SOX6: variants seen among roughly 807,000 people sequenced by gnomAD.
The protein encoded by SOX6 is transcription factor SOX-6.
Under a neutral mutation model 97.8 loss-of-function variants are expected in SOX6, and 11 were observed. The observed-to-expected ratio is 0.11, with a 90% CI of 0.07 to 0.19. The LOEUF (loss-of-function observed/expected upper bound fraction) is 0.19, where lower values mean the gene tolerates loss of function less well. SOX6 is among the 10% of genes least tolerant of loss of function. The probability of loss-of-function intolerance (pLI) is 1.00; values close to 1 mark genes in which losing one functional copy is unlikely to be tolerated. For synonymous variants in SOX6, 360 were observed against 371.4 expected (o/e 0.97, Z 0.35); for missense variants, 810 against 1,039.5 (o/e 0.78, Z 3.04).
intron 13 of SOX6, among the ~76,000 whole-genome samples, chr11:15,996,151 T>C (rs562487524): frequency 6.6e-6 from 1 of 152,284 alleles, no homozygotes; most frequent in African/African-American, 2.4e-5. Flanking sequence ...CATCGTATTG[T>C]GGGACTTATA....
At chr11:15,974,393 T>TA (rs1324253339) in intron 15 of SOX6, among the ~76,000 whole-genome samples, 1 of 145,928 alleles carries the variant, frequency 6.9e-6, no homozygotes, top group African/African-American at 2.5e-5. Context: ...TTTTTTTTTT[T>TA]TTTTTTTTTA....
chr11:16,394,895 G>A (rs901405151), intron 1 of SOX6, among the ~76,000 whole-genome samples: 49 of 151,742 alleles, frequency 3.2e-4, no homozygotes, highest in Non-Finnish European at 3.2e-4. Context: ...AGGACACAAA[G>A]TGACAGACTA....
intron 3 of SOX6, among the ~76,000 whole-genome samples, chr11:16,654,612 G>A (rs965678090): frequency 2.0e-5 from 3 of 152,020 alleles, no homozygotes; most frequent in African/African-American, 7.2e-5. Flanking sequence ...TTGACTGATG[G>A]CATAAAACTA....
At chr11:16,015,556 CTATTT>C (rs1248728703) in intron 12 of SOX6, among the ~76,000 whole-genome samples, 1 of 152,000 alleles carries the variant, frequency 6.6e-6, no homozygotes, top group African/African-American at 2.4e-5. Context: ...ATTGATACTA[CTATTT>C]TGTCTCAGAA....
intron 4 of SOX6, among the ~76,000 whole-genome samples, chr11:16,194,272 A>G (rs1851712648): frequency 6.6e-6 from 1 of 152,180 alleles, no homozygotes; most frequent in Non-Finnish European, 1.5e-5. Context: ...GACCTCTATT[A>G]TCTTATCAGT....
intron 9 of SOX6, among the ~76,000 whole-genome samples, chr11:16,089,640 C>T (rs977109030): frequency 6.6e-6 from 1 of 152,036 alleles, no homozygotes; most frequent in Non-Finnish European, 1.5e-5. Context: ...CATATGAACT[C>T]TTCTACAAAT....
At chr11:16,644,831 T>G (rs1160411747) in intron 3 of SOX6, among the ~76,000 whole-genome samples, 1 of 152,190 alleles carries the variant, frequency 6.6e-6, no homozygotes, top group Non-Finnish European at 1.5e-5. Context: ...ATTCACTTGG[T>G]CTATCAGCCC....
intron 3 of SOX6, among the ~76,000 whole-genome samples, chr11:16,277,489 A>G (rs997036420): frequency 1.1e-4 from 16 of 152,220 alleles, no homozygotes; most frequent in African/African-American, 3.9e-4. Flanking sequence ...GTATTTTGTT[A>G]TGGAATCCAA....
At chr11:16,132,381 AGAAAGAAAGAAAGAAAGAAAAAAG>A (rs1849797885) in intron 6 of SOX6, among the ~76,000 whole-genome samples, 7 of 97,812 alleles carry the variant, frequency 7.2e-5, no homozygotes, top group African/African-American at 2.2e-4. Flanking sequence ...AAAGAAAGAA[AGAAAGAAAGAAAGAAAGAAAAAAG>A]AAAGAAAGAA....
At chr11:16,128,003 C>A (rs1172161111) in intron 6 of SOX6, among the ~76,000 whole-genome samples, 1 of 152,140 alleles carries the variant, frequency 6.6e-6, no homozygotes, top group Non-Finnish European at 1.5e-5. Flanking sequence ...GAACTCAAAT[C>A]ATGTATTATG....
intron 4 of SOX6, among the ~76,000 whole-genome samples, chr11:16,586,216 A>T (rs1018003950): frequency 2.0e-5 from 3 of 152,168 alleles, no homozygotes; most frequent in Non-Finnish European, 4.4e-5. Flanking sequence ...TAAAATACCA[A>T]ATGAGAGATA....
intron 13 of SOX6, among the ~76,000 whole-genome samples, chr11:16,011,213 T>C (rs1854715211): frequency 6.6e-6 from 1 of 152,080 alleles, no homozygotes; most frequent in Non-Finnish European, 1.5e-5. Context: ...TATTCTTAAT[T>C]ATATGGTGAC....
intron 6 of SOX6, among the ~76,000 whole-genome samples, chr11:16,136,204 G>C (rs1849956008): frequency 6.6e-6 from 1 of 151,892 alleles, no homozygotes; most frequent in African/African-American, 2.4e-5. Flanking sequence ...TATTTTAGTA[G>C]AGACGGGGTT....
intron 6 of SOX6, among the ~76,000 whole-genome samples, chr11:16,171,386 A>G (rs1303183001): frequency 6.6e-6 from 1 of 152,066 alleles, no homozygotes; most frequent in African/African-American, 2.4e-5. Context: ...ATTCATATCT[A>G]GTTAGATATT....
chr11:16,507,223 C>T (rs1355032951), intron 4 of SOX6, among the ~76,000 whole-genome samples: 2 of 152,082 alleles, frequency 1.3e-5, no homozygotes, highest in Non-Finnish European at 2.9e-5. Context: ...GAAGCAGAAG[C>T]CTGTATAGCC....
chr11:16,674,263 A>G (rs2134026074), intron 3 of SOX6, among the ~76,000 whole-genome samples: 1 of 151,876 alleles, frequency 6.6e-6, no homozygotes, highest in Non-Finnish European at 1.5e-5. Flanking sequence ...ATCTCTCAAC[A>G]TACTCAAATC....
At chr11:16,406,313 CA>C (rs1318221933) in intron 1 of SOX6, among the ~76,000 whole-genome samples, 1 of 152,072 alleles carries the variant, frequency 6.6e-6, no homozygotes, top group African/African-American at 2.4e-5. Context: ...TATACAGCCA[CA>C]AGAATGCTAC....
intron 7 of SOX6, among the ~76,000 whole-genome samples, chr11:16,099,651 A>C (rs2133978456): frequency 6.6e-6 from 1 of 151,820 alleles, no homozygotes; most frequent in Non-Finnish European, 1.5e-5. Context: ...ACTCTAAAAG[A>C]ATTCCCTGGG....
intron 1 of SOX6, among the ~76,000 whole-genome samples, chr11:16,383,039 A>C (rs759221141): frequency 1.3e-5 from 2 of 151,992 alleles, no homozygotes; most frequent in Admixed American, 6.6e-5. Context: ...ATGGTGTATT[A>C]GCTTCTGTGT....
Sources: gnomAD v4.1 joint callset for allele counts (sites outside exome capture counted in the v4.1 genomes callset) on GRCh38, gnomAD v4.1.1 for gene constraint, MANE v1.5 for transcripts, NCBI Gene and HGNC (gene_info 2026-07-23, HGNC 2026-07-21) for gene names.